SGCD: variants seen among roughly 807,000 people sequenced by gnomAD.
SGCD encodes delta-sarcoglycan.
SGCD carries 18 observed loss-of-function variants against 36.6 expected under a neutral mutation model. The ratio of observed to expected loss-of-function variants is 0.49; its 90% confidence interval spans 0.34 to 0.73. The LOEUF (loss-of-function observed/expected upper bound fraction) is 0.73, where lower values mean the gene tolerates loss of function less well. Ranked by LOEUF, SGCD falls within the 30% of genes least tolerant of loss-of-function variation. The pLI is 0.01. For missense variants in SGCD, 387 were observed against 346.7 expected (o/e 1.12, Z -0.92); for synonymous variants, 133 against 130.6 (o/e 1.02, Z -0.12).
chr5:156,288,321 A>G (rs1430243530), intron 3 of SGCD, among the ~76,000 whole-genome samples: 1 of 152,124 alleles, frequency 6.6e-6, no homozygotes, highest in Non-Finnish European at 1.5e-5. Context: ...GAGTTTTTAC[A>G]TTATTTCATG....
intron 6 of SGCD, among the ~76,000 whole-genome samples, chr5:156,605,305 G>GT (rs1158916346): frequency 6.6e-6 from 1 of 152,050 alleles, no homozygotes; most frequent in Non-Finnish European, 1.5e-5. Flanking sequence ...GCAGTGTTTG[G>GT]TTTTTTGTCC....
intron 7 of SGCD, among the ~76,000 whole-genome samples, chr5:156,653,217 C>G (rs1763529594): frequency 6.6e-6 from 1 of 152,062 alleles, no homozygotes; most frequent in African/African-American, 2.4e-5. Context: ...GTGAATCCAT[C>G]TGGCCTGGGG....
chr5:155,842,176 T>G, the SGCD span, among the ~76,000 whole-genome samples: 1 of 151,614 alleles, frequency 6.6e-6, no homozygotes, highest in Non-Finnish European at 1.5e-5. Flanking sequence ...TAGCTATGCC[T>G]CTCTCTGGAC....
At chr5:156,047,028 A>C (rs1360817593) in intron 1 of SGCD, among the ~76,000 whole-genome samples, 1 of 152,198 alleles carries the variant, frequency 6.6e-6, no homozygotes, top group Non-Finnish European at 1.5e-5. Context: ...GCTGGTATGA[A>C]GAAAGTTTGA....
chr5:155,933,267 C>T lies in SGCD; in HGVS notation c.-282+62843C>T, dbSNP rs149852665. Among the ~76,000 whole-genome samples the T allele has an allele frequency of 3.0e-3, 462 of 152,284 alleles. 1 individual carries two copies. The highest frequency in any genetic ancestry group is 0.011 in the African/African-American group (443 of 41,552). On this transcript the variant is annotated intron_variant, in intron 1 of 9. Coordinates refer to the SGCD transcript ENST00000517913. Reference sequence around the variant, plus strand: ...TGCCTGTCACAAATGCCCTGTCCCACGTGTTTGCATAGCTCCTATTTTATC... The same window carrying T: ...TGCCTGTCACAAATGCCCTGTCCCATGTGTTTGCATAGCTCCTATTTTATC...
chr5:156,472,101 A>G (rs1336384076), intron 3 of SGCD, among the ~76,000 whole-genome samples: 2 of 152,212 alleles, frequency 1.3e-5, no homozygotes, highest in Non-Finnish European at 2.9e-5. Context: ...GGAAAGATTG[A>G]CTAAACCAAG....
At chr5:156,533,099 T>C (rs1230585235) in intron 4 of SGCD, among the ~76,000 whole-genome samples, 2 of 152,202 alleles carry the variant, frequency 1.3e-5, no homozygotes, top group Non-Finnish European at 1.5e-5. Flanking sequence ...TCGGTAGCCA[T>C]GCAGGACGCT....
At chr5:156,570,803 C>G (rs1294060773) in intron 4 of SGCD, among the ~76,000 whole-genome samples, 4 of 152,160 alleles carry the variant, frequency 2.6e-5, no homozygotes, top group African/African-American at 9.7e-5. Flanking sequence ...TCCTCCCACC[C>G]TCCACCCTCT....
At chr5:155,747,787 C>A in the SGCD span, among the ~76,000 whole-genome samples, 1 of 152,158 alleles carries the variant, frequency 6.6e-6, no homozygotes, top group Non-Finnish European at 1.5e-5. Flanking sequence ...CCCCCCTTAT[C>A]TGTCTTGGCC....
chr5:156,686,529 T>G (rs921092954), intron 7 of SGCD, among the ~76,000 whole-genome samples: 14 of 152,168 alleles, frequency 9.2e-5, no homozygotes, highest in Admixed American at 2.6e-4. Context: ...GGCTAGTATC[T>G]TGCACACCAT....
rs114707997 is a variant in SGCD at position 155,952,426 on chromosome 5, C to T, written c.-282+82002C>T. 1.9e-3 allele frequency among the ~76,000 whole-genome samples: 289 copies of T among 152,092 alleles called. 2 individuals carry two copies. The highest frequency in any genetic ancestry group is 0.01 in the Middle Eastern group (3 of 292). On this transcript the variant is annotated intron_variant, in intron 1 of 9. Transcript: ENST00000517913. ...GGCCTTTAGGTGTGGTGTTCCTATTCCTGTCTTTGAACAGGTCATTTCCTC... is the reference window on the plus strand; with the variant it reads ...GGCCTTTAGGTGTGGTGTTCCTATTTCTGTCTTTGAACAGGTCATTTCCTC...
chr5:155,730,871 C>T, the SGCD span, among the ~76,000 whole-genome samples: 1 of 152,174 alleles, frequency 6.6e-6, no homozygotes, highest in Non-Finnish European at 1.5e-5. Flanking sequence ...CCCTCCTCAC[C>T]CAGGGCCTCT....
At chr5:156,220,997 T>C (rs1197391633) in intron 3 of SGCD, among the ~76,000 whole-genome samples, 1 of 152,086 alleles carries the variant, frequency 6.6e-6, no homozygotes, top group Non-Finnish European at 1.5e-5. Context: ...TATTCTCTTG[T>C]CAGGAAAAAA....
intron 3 of SGCD, among the ~76,000 whole-genome samples, chr5:156,277,383 G>A (rs1766344646): frequency 6.6e-6 from 1 of 152,150 alleles, no homozygotes; most frequent in African/African-American, 2.4e-5. Context: ...GGAGCTTGAA[G>A]TTTTGCCGAT....
At chr5:156,429,286 G>C (rs879497413) in intron 3 of SGCD, among the ~76,000 whole-genome samples, 5 of 76,234 alleles carry the variant, frequency 6.6e-5, no homozygotes, top group African/African-American at 1.1e-4. Flanking sequence ...TTTTTTTACT[G>C]TTCTTGCTTT....
intron 1 of SGCD, among the ~76,000 whole-genome samples, chr5:156,082,520 T>C (rs192079270): frequency 3.3e-5 from 5 of 152,328 alleles, no homozygotes; most frequent in African/African-American, 1.2e-4. Flanking sequence ...CTCCACATAA[T>C]CCTCTGCAGA....
rs371952625 is a variant in SGCD, at chr5:156,502,040, T to C, written c.193-6561T>C. On this transcript the variant is annotated intron_variant, in intron 3 of 8. Coordinates refer to ENST00000337851, the MANE Select transcript of SGCD (RefSeq NM_000337.6). Reference sequence around the variant, plus strand: ...TTGTTCTAGGAATGATATTCTCTCTTTTTTTTTTTTTTTGTTTGGTTTTTG... The same window carrying C: ...TTGTTCTAGGAATGATATTCTCTCTCTTTTTTTTTTTTTGTTTGGTTTTTG... 6.6e-3 allele frequency among the ~76,000 whole-genome samples: 926 copies of C among 139,976 alleles called. 9 individuals are homozygous for C. The highest frequency in any genetic ancestry group is 0.025 in the African/African-American group (846 of 34,044). The allele number at this position is 139,976 out of a possible 152,430, so 91.8% of individuals were successfully genotyped here.
At chr5:156,075,144 C>T (rs1760733682) in intron 1 of SGCD, among the ~76,000 whole-genome samples, 1 of 151,902 alleles carries the variant, frequency 6.6e-6, no homozygotes. Context: ...ATAATGCTTA[C>T]ACACAAAGTC....
At chr5:156,049,866 C>G (rs1004500853) in intron 1 of SGCD, among the ~76,000 whole-genome samples, 2 of 146,088 alleles carry the variant, frequency 1.4e-5, no homozygotes, top group Admixed American at 6.8e-5. Context: ...GTGGAACTAG[C>G]CAGAGAACTG....
Sources: allele counts gnomAD v4.1 joint callset (sites outside exome capture counted in the v4.1 genomes callset), GRCh38; gene constraint gnomAD v4.1.1; transcripts MANE v1.5; gene names NCBI Gene and HGNC (gene_info 2026-07-23, HGNC 2026-07-21).